RBFOX1: variants seen among roughly 807,000 people sequenced by gnomAD.
The protein encoded by RBFOX1 is RNA binding protein fox-1 homolog 1.
In RBFOX1, 8 loss-of-function variants were observed where a neutral mutation model predicts 57.7. That is an observed-to-expected ratio of 0.14 (90% confidence interval 0.08 to 0.25). The LOEUF (loss-of-function observed/expected upper bound fraction) is 0.25, where lower values mean the gene tolerates loss of function less well. Among genes scored for constraint, RBFOX1 ranks in the 10% least tolerant of loss-of-function variants. The pLI is 1.00. For synonymous variants in RBFOX1, 326 were observed against 222.4 expected (o/e 1.47, Z -4.15); for missense variants, 611 against 548.5 (o/e 1.11, Z -1.14).
At chr16:6,405,394 A>G (rs1428431104) in intron 2 of RBFOX1, among the ~76,000 whole-genome samples, 3 of 152,216 alleles carry the variant, frequency 2.0e-5, no homozygotes, top group Non-Finnish European at 4.4e-5. Context: ...AGTGTTGGGC[A>G]TTGGGAAGTG....
intron 2 of RBFOX1, among the ~76,000 whole-genome samples, chr16:6,381,314 A>G (rs914522145): frequency 6.6e-6 from 1 of 152,036 alleles, no homozygotes; most frequent in African/African-American, 2.4e-5. Flanking sequence ...TAATTTTTCA[A>G]CCCTCACCTC....
intron 2 of RBFOX1, among the ~76,000 whole-genome samples, chr16:5,540,718 A>G (rs1189363189): frequency 6.6e-6 from 1 of 152,152 alleles, no homozygotes; most frequent in Non-Finnish European, 1.5e-5. Context: ...CTTGTTAAAA[A>G]CACCCTAGTC....
At chr16:7,357,167 G>T (rs1234594829) in intron 4 of RBFOX1, among the ~76,000 whole-genome samples, 1 of 151,522 alleles carries the variant, frequency 6.6e-6, no homozygotes, top group Non-Finnish European at 1.5e-5. Context: ...GGAACACAAG[G>T]ATTTTGAATT....
At chr16:6,607,670 A>G (rs1481389752) in intron 2 of RBFOX1, among the ~76,000 whole-genome samples, 8 of 149,844 alleles carry the variant, frequency 5.3e-5, no homozygotes, top group African/African-American at 2.0e-4. Context: ...CCCTCTCTGT[A>G]TTATGTCTGC....
At chr16:7,632,015 T>G (rs2061046589) in intron 11 of RBFOX1, among the ~76,000 whole-genome samples, 1 of 152,130 alleles carries the variant, frequency 6.6e-6, no homozygotes, top group Admixed American at 6.5e-5. Context: ...GCTCAAGCAA[T>G]TCTCATGACT....
At chr16:6,280,321 C>T (rs1815696774) in intron 1 of RBFOX1, among the ~76,000 whole-genome samples, 1 of 152,184 alleles carries the variant, frequency 6.6e-6, no homozygotes, top group Non-Finnish European at 1.5e-5. Flanking sequence ...TGCCTTTCTG[C>T]TGTCTCTGTC....
At chr16:5,406,805 A>G (rs76806640) in intron 1 of RBFOX1, among the ~76,000 whole-genome samples, 2 of 152,098 alleles carry the variant, frequency 1.3e-5, no homozygotes, top group Non-Finnish European at 2.9e-5. Context: ...AATACAATTC[A>G]GTAGAGGGGA....
At chr16:6,532,823 G>A (rs367887270) in intron 2 of RBFOX1, among the ~76,000 whole-genome samples, 4 of 152,206 alleles carry the variant, frequency 2.6e-5, no homozygotes, top group African/African-American at 9.6e-5. Flanking sequence ...TACACATTGT[G>A]GAATGTGAGA....
chr16:5,918,412 G>T (rs1297731587), intron 4 of RBFOX1, among the ~76,000 whole-genome samples: 2 of 152,156 alleles, frequency 1.3e-5, no homozygotes, highest in Non-Finnish European at 2.9e-5. Context: ...GAGCAACCAC[G>T]CCCAGCCAGT....
Position 5,646,182 on chromosome 16 carries a change from A to ATTTTTT in RBFOX1, c.318+47232_318+47237dup, listed in dbSNP as rs55685218. Among the ~76,000 whole-genome samples the ATTTTTT allele has an allele frequency of 4.7e-3, 629 of 133,676 alleles. 6 individuals carry two copies. Among genetic ancestry groups the ATTTTTT allele is most frequent in the African/African-American group, 0.017 (601 of 35,520 alleles). 87.7% of individuals were successfully genotyped at this position (133,676 alleles called of 152,430 possible). On this transcript the variant is annotated intron_variant, in intron 3 of 19. Coordinates refer to the RBFOX1 transcript ENST00000641259. ...GTCGCTGGGATTACAGGCACGTGCT[A>ATTTTTT]TTTTTTTTTTTTTTTTGTATTTTTA...
At chr16:5,805,178 A>G (rs2055186597) in intron 3 of RBFOX1, among the ~76,000 whole-genome samples, 1 of 152,152 alleles carries the variant, frequency 6.6e-6, no homozygotes, top group Non-Finnish European at 1.5e-5. Flanking sequence ...CTATGCAGTG[A>G]TTCATGTGAA....
intron 1 of RBFOX1, among the ~76,000 whole-genome samples, chr16:5,461,525 G>GT (rs1013591966): frequency 2.0e-5 from 3 of 152,190 alleles, no homozygotes; most frequent in African/African-American, 7.2e-5. Flanking sequence ...GTTTCATGCA[G>GT]TTTTTTCTTC....
chr16:7,545,207 G>A (rs1209690660), intron 5 of RBFOX1, among the ~76,000 whole-genome samples: 4 of 152,160 alleles, frequency 2.6e-5, no homozygotes, highest in Non-Finnish European at 5.9e-5. Flanking sequence ...TAAAGTAAAG[G>A]TTGTTTTTGT....
intron 3 of RBFOX1, among the ~76,000 whole-genome samples, chr16:5,720,988 G>A (rs934617907): frequency 2.2e-4 from 34 of 152,268 alleles, no homozygotes; most frequent in African/African-American, 6.0e-4. Context: ...AAATTTGGTA[G>A]GGATTGTGTT....
intron 2 of RBFOX1, among the ~76,000 whole-genome samples, chr16:6,491,178 C>A (rs1041207818): frequency 6.6e-6 from 1 of 150,874 alleles, no homozygotes; most frequent in African/African-American, 2.4e-5. Context: ...AGTCTATAGT[C>A]TATTTATATG....
At chr16:6,607,325 G>A (rs567867342) in intron 2 of RBFOX1, among the ~76,000 whole-genome samples, 29 of 152,184 alleles carry the variant, frequency 1.9e-4, no homozygotes, top group African/African-American at 6.0e-4. Flanking sequence ...TAAAAATCAA[G>A]CATTAGGATA....
intron 3 of RBFOX1, among the ~76,000 whole-genome samples, chr16:5,658,285 A>C (rs953724568): frequency 2.6e-5 from 4 of 152,152 alleles, no homozygotes; most frequent in Non-Finnish European, 5.9e-5. Context: ...TCAGGATTGG[A>C]AAGATATCCT....
At chr16:6,863,207 A>T (rs184337013) in intron 3 of RBFOX1, among the ~76,000 whole-genome samples, 127 of 152,224 alleles carry the variant, frequency 8.3e-4, no homozygotes, top group African/African-American at 3.0e-3. Flanking sequence ...TGGAATAGAG[A>T]AGGACATGGC....
chr16:7,295,912 A>C (rs1248081475), intron 4 of RBFOX1, among the ~76,000 whole-genome samples: 1 of 152,222 alleles, frequency 6.6e-6, no homozygotes, highest in African/African-American at 2.4e-5. Context: ...CAGGAAACTC[A>C]GAAATGAGAA....
Sources: gnomAD v4.1 joint callset for allele counts (sites outside exome capture counted in the v4.1 genomes callset) on GRCh38, gnomAD v4.1.1 for gene constraint, MANE v1.5 for transcripts, NCBI Gene and HGNC (gene_info 2026-07-23, HGNC 2026-07-21) for gene names.